The following FAM120A variants were observed in gnomAD, a reference collection of about 807,000 sequenced individuals.
The protein encoded by FAM120A is family with sequence similarity 120 member A, also known as constitutive coactivator of PPAR-gamma-like protein 1.
A neutral mutation model predicts 109.7 loss-of-function variants in FAM120A; 15 were observed. The ratio of observed to expected loss-of-function variants is 0.14; its 90% CI spans 0.09 to 0.21. The LOEUF (loss-of-function observed/expected upper bound fraction) is 0.21, where lower values mean the gene tolerates loss of function less well. Among genes scored for constraint, FAM120A ranks in the 10% least tolerant of loss-of-function variants. FAM120A has a pLI of 1.00. For missense variants in FAM120A, 899 were observed against 1,439.3 expected (o/e 0.62, Z 6.07); for synonymous variants, 493 against 572.8 (o/e 0.86, Z 1.99).
At chr9:93,513,272 A>C (rs113200873) in intron 5 of FAM120A, among the ~76,000 whole-genome samples, 4 of 152,342 alleles carry the variant, frequency 2.6e-5, no homozygotes, top group African/African-American at 9.6e-5. Flanking sequence ...TCTAGCCAAC[A>C]TACTGTTTTA....
At chr9:93,470,690 T>C (rs1313879876) in intron 1 of FAM120A, among the ~76,000 whole-genome samples, 1 of 152,158 alleles carries the variant, frequency 6.6e-6, no homozygotes, top group Admixed American at 6.5e-5. Flanking sequence ...ATTCTGATGA[T>C]TTCACCTGAC....
intron 5 of FAM120A, among the ~76,000 whole-genome samples, chr9:93,514,734 T>C (rs1221469397): frequency 1.3e-5 from 2 of 152,360 alleles, no homozygotes; most frequent in South Asian, 2.1e-4. Flanking sequence ...TCCTTGTTAC[T>C]GCGGGTCTTG....
At chr9:93,547,623 C>G (rs1335376467) in intron 11 of FAM120A, among the ~76,000 whole-genome samples, 1 of 152,102 alleles carries the variant, frequency 6.6e-6, no homozygotes, top group Non-Finnish European at 1.5e-5. Context: ...CTATAGCTGT[C>G]TATATTAGCA....
chr9:93,495,197 T>G (rs2131341446), intron 3 of FAM120A, among the ~76,000 whole-genome samples: 1 of 152,308 alleles, frequency 6.6e-6, no homozygotes, highest in South Asian at 2.1e-4. Flanking sequence ...TAGAACCCTG[T>G]GGAGGGTACC....
intron 3 of FAM120A, among the ~76,000 whole-genome samples, chr9:93,478,893 G>A (rs1858668313): frequency 6.6e-6 from 1 of 152,140 alleles, no homozygotes; most frequent in African/African-American, 2.4e-5. Context: ...ACTGATGGAT[G>A]TGCTACAGAA....
At chr9:93,508,268 C>A (rs1244780244) in intron 5 of FAM120A, among the ~76,000 whole-genome samples, 1 of 152,212 alleles carries the variant, frequency 6.6e-6, no homozygotes, top group East Asian at 1.9e-4. Context: ...AAGCAAAGAA[C>A]AGATGCTACA....
At position 93,452,113 on chromosome 9, in the gene FAM120A, C is replaced by T; in HGVS notation, c.198C>T (p.Val66=). ...RLYGGFYTDW[V]SGGQWNHMLG... ...ACGGCGGCTTCTACACCGACTGGGT[C>T]AGCGGCGGCCAGTGGAACCACATGC... The change falls in exon 1 of 18, where the codon GTC becomes GTT. Residue 66 remains valine (V), a synonymous_variant. Coordinates refer to ENST00000277165, the MANE Select transcript of FAM120A (RefSeq NM_014612.5). The surrounding 1 kb of genome is among the most constrained non-coding windows in gnomAD (Gnocchi z 7.0). 6.2e-7 allele frequency: 1 copy of T among 1,610,350 alleles called. No individual in the cohort carries two copies. The highest frequency in any genetic ancestry group is 8.5e-7 in the Non-Finnish European group (1 of 1,179,398).
chr9:93,561,250 G>A lies in FAM120A; in HGVS notation c.2948G>A (p.Gly983Glu). The A allele has an allele frequency of 4.3e-6, 7 of 1,610,196 alleles. No homozygotes were observed. Among genetic ancestry groups the A allele is most frequent in the Non-Finnish European group, 5.9e-6 (7 of 1,178,666 alleles). The change falls in exon 16 of 18, where the codon GGG becomes GAG. Residue 983 changes from glycine (G) to glutamate (E), a missense_variant and splice_region_variant. This residue lies in a region of FAM120A where 170 missense variants were observed against 205.0 expected (regional missense o/e 0.83). Coordinates refer to ENST00000277165, the MANE Select transcript of FAM120A (RefSeq NM_014612.5). The stretch of plus-strand genomic sequence containing the variant: ...GTTTCTGTCGGAGGACCAGCTAGAG[G>A]GTAAGTTCTGAGCCACGAAAATGTC... ...QVVSVGGPAR[G>E]RPRGVISTPV... is the part of the protein sequence containing the mutation.
At chr9:93,506,637 G>A (rs112060042) in intron 5 of FAM120A, among the ~76,000 whole-genome samples, 5,455 of 149,846 alleles carry the variant, frequency 0.036, 167 homozygotes, top group African/African-American at 0.071. Context: ...TCGCTCTGTC[G>A]CCCAGACTGG....
intron 11 of FAM120A, among the ~76,000 whole-genome samples, chr9:93,548,780 C>T (rs772671803): frequency 5.3e-5 from 8 of 152,120 alleles, no homozygotes; most frequent in Non-Finnish European, 1.0e-4. Context: ...CAGTGGCTCA[C>T]GCCTGTAATC....
At chr9:93,542,670 A>C (rs1467142641) in intron 10 of FAM120A, among the ~76,000 whole-genome samples, 1 of 152,190 alleles carries the variant, frequency 6.6e-6, no homozygotes, top group Non-Finnish European at 1.5e-5. Context: ...ATTTGCATCT[A>C]CTTGTGTTTT....
rs561153415 is a variant in FAM120A at position 93,452,613 on chromosome 9, G to C, written c.474+224G>C. 53 of 1,599,126 alleles carry C rather than the reference G, an allele frequency of 3.3e-5. No homozygotes were observed. The African/African-American group carries it at 5.3e-4, about 16-fold the overall frequency. Reference sequence around the variant, plus strand: ...CTCCAGCTGTCCCTGTTCGGGGTCCGCGGCCGCGTGGGGACACTTGAGGGC... The same window carrying C: ...CTCCAGCTGTCCCTGTTCGGGGTCCCCGGCCGCGTGGGGACACTTGAGGGC... On this transcript the variant is annotated intron_variant, in intron 1 of 17. Transcript: ENST00000277165. The surrounding 1 kb of genome is among the most constrained non-coding windows in gnomAD (Gnocchi z 7.0).
chr9:93,463,011 C>T (rs1021722765), intron 1 of FAM120A, among the ~76,000 whole-genome samples: 36 of 152,234 alleles, frequency 2.4e-4, no homozygotes, highest in Middle Eastern at 3.4e-3. Context: ...GACATCTCTT[C>T]GGACCCATTT....
In FAM120A at chr9:93,507,820, G is replaced by A. The variant is rs144591845; in HGVS notation, c.1031-7847G>A. Among the ~76,000 whole-genome samples, 580 of 152,310 alleles carry A rather than the reference G, an allele frequency of 3.8e-3. 4 individuals carry two copies. The highest frequency in any genetic ancestry group is 0.013 in the African/African-American group (558 of 41,562). On this transcript the variant is annotated intron_variant, in intron 5 of 17. Transcript: ENST00000277165. ...ATTGGTTGGCCCTCAATAAGAGGCAGTGGATCCTAGGAAAAGTCATTTTTA... is the reference window on the plus strand; with the variant it reads ...ATTGGTTGGCCCTCAATAAGAGGCAATGGATCCTAGGAAAAGTCATTTTTA...
rs190406578 is a variant in FAM120A at position 93,484,606 on chromosome 9, C to T, written c.804+8268C>T. On this transcript the variant is annotated intron_variant, in intron 3 of 17. Coordinates refer to ENST00000277165, the MANE Select transcript of FAM120A (RefSeq NM_014612.5). ...ATTATTATTTTAAGACAGAGTCTTG[C>T]TCTGTCACCCAGGCTGGAGTGCAGT... 6.6e-3 allele frequency among the ~76,000 whole-genome samples: 1,006 copies of T among 152,216 alleles called. 14 individuals are homozygous for T. Among genetic ancestry groups the T allele is most frequent in the African/African-American group, 0.023 (972 of 41,540 alleles).
intron 9 of FAM120A, 165 bp downstream of exon 9, chr9:93,529,745 T>A (rs576122999): frequency 2.9e-6 from 2 of 681,050 alleles, no homozygotes; most frequent in African/African-American, 3.6e-5. Flanking sequence ...AGATGAACAT[T>A]TATAACTGTA....
chr9:93,479,970 A>C (rs1858725767), intron 3 of FAM120A, among the ~76,000 whole-genome samples: 1 of 152,240 alleles, frequency 6.6e-6, no homozygotes, highest in Non-Finnish European at 1.5e-5. Context: ...TAATATCTGC[A>C]GAGAGGAAAG....
In FAM120A at chr9:93,553,647, TATAAG is replaced by T. The variant is rs1444623179; in HGVS notation, c.2275-2733_2275-2729del. 4.6e-5 allele frequency among the ~76,000 whole-genome samples: 7 copies of T among 152,340 alleles called. No homozygotes were observed. The East Asian group carries it at 9.6e-4, about 21-fold the overall frequency. Reference sequence around the variant, plus strand: ...ATATTGAATATTTTATCTCAATTGATATAAGAGAATGAAGTTAGAATGTGAATATT... The same window carrying T: ...ATATTGAATATTTTATCTCAATTGATAGAATGAAGTTAGAATGTGAATATT... On this transcript the variant is annotated intron_variant, in intron 12 of 17. Coordinates refer to ENST00000277165, the MANE Select transcript of FAM120A (RefSeq NM_014612.5).
chr9:93,482,426 C>A (rs780128085), intron 3 of FAM120A, among the ~76,000 whole-genome samples: 1 of 152,050 alleles, frequency 6.6e-6, no homozygotes, highest in Non-Finnish European at 1.5e-5. Context: ...CCTGAGCTCA[C>A]GCAATCCGCC....
Sources: allele counts gnomAD v4.1 joint callset (sites outside exome capture counted in the v4.1 genomes callset), GRCh38; gene constraint gnomAD v4.1.1; regional missense constraint gnomAD v4.1.1; non-coding constraint Gnocchi (gnomAD v3.1); transcripts MANE v1.5; gene names NCBI Gene and HGNC (gene_info 2026-07-23, HGNC 2026-07-21).